ADCY8: variants seen among roughly 807,000 people sequenced by gnomAD.
ADCY8 encodes the protein adenylate cyclase type 8.
ADCY8 carries 51 observed loss-of-function variants against 119.7 expected under a neutral mutation model. The ratio of observed to expected loss-of-function variants is 0.43; its 90% CI spans 0.34 to 0.54. The LOEUF is 0.54. Ranked by LOEUF, ADCY8 falls within the 20% of genes least tolerant of loss-of-function variation. ADCY8 has a pLI of 0.03. For synonymous variants in ADCY8, 665 were observed against 651.0 expected, an observed-to-expected ratio of 1.02 and a Z score of -0.33; for missense variants, 1,383 against 1,598.8, an observed-to-expected ratio of 0.87 and a Z score of 2.30.
At chr8:131,023,286 C>A (rs186890731) in intron 1 of ADCY8, among the ~76,000 whole-genome samples, 275 of 152,318 alleles carry the variant, frequency 1.8e-3, no homozygotes, top group Non-Finnish European at 2.2e-3. Flanking sequence ...ACACTGGAAT[C>A]AACACCAATA....
chr8:130,931,121 T>C (rs1820618487), intron 5 of ADCY8, among the ~76,000 whole-genome samples: 1 of 152,216 alleles, frequency 6.6e-6, no homozygotes, highest in Admixed American at 6.5e-5. Context: ...ATAAGACAAG[T>C]CTGGTGGTGA....
chr8:131,037,568 A>G (rs1434041946), intron 1 of ADCY8, among the ~76,000 whole-genome samples: 1 of 152,188 alleles, frequency 6.6e-6, no homozygotes, highest in Admixed American at 6.5e-5. Flanking sequence ...TAATACATGG[A>G]ATTTCTTATA....
chr8:130,903,362 A>G (rs1425652792), intron 7 of ADCY8, among the ~76,000 whole-genome samples: 1 of 151,978 alleles, frequency 6.6e-6, no homozygotes, highest in Non-Finnish European at 1.5e-5. Flanking sequence ...AGAGGGTGAC[A>G]CAGAACTGAT....
intron 2 of ADCY8, among the ~76,000 whole-genome samples, chr8:130,965,547 T>C (rs904373880): frequency 6.6e-6 from 1 of 152,222 alleles, no homozygotes; most frequent in African/African-American, 2.4e-5. Context: ...GGCTACATCA[T>C]GAGAGTCACA....
Position 130,884,651 on chromosome 8 carries a change from G to T in ADCY8, c.2022C>A (p.Thr674=). 1 of 1,613,818 alleles carries T rather than the reference G, an allele frequency of 6.2e-7. No homozygotes were observed. Among genetic ancestry groups the T allele is most frequent in the Non-Finnish European group, 8.5e-7 (1 of 1,179,840 alleles). ...PEEINKRIEH[T]IDLRSGDKLR... ...ATTTATCGCCACTCCGCAAGTCGAT[G>T]GTATGTTCTATTCTCTTGTTAATTT... Residue 674 remains threonine (T), a synonymous_variant, in exon 8 of 18, where the codon ACC becomes ACA. Transcript: ENST00000286355.
chr8:130,999,407 T>C (rs1041256262), intron 1 of ADCY8, among the ~76,000 whole-genome samples: 1 of 152,132 alleles, frequency 6.6e-6, no homozygotes, highest in Admixed American at 6.5e-5. Flanking sequence ...TGGGCACTGC[T>C]GTTTGATGCC....
intron 2 of ADCY8, among the ~76,000 whole-genome samples, chr8:130,977,293 C>T (rs149590147): frequency 6.6e-6 from 1 of 152,330 alleles, no homozygotes; most frequent in African/African-American, 2.4e-5. Context: ...ACCTTTCTTA[C>T]TTATACTCGA....
intron 8 of ADCY8, among the ~76,000 whole-genome samples, chr8:130,882,185 C>A (rs1445498397): frequency 6.7e-6 from 1 of 148,698 alleles, no homozygotes; most frequent in East Asian, 2.0e-4. Context: ...GTTGATGACA[C>A]CTTAGAGTCA....
chr8:130,881,487 C>T (rs1818769091), intron 8 of ADCY8, among the ~76,000 whole-genome samples: 1 of 152,138 alleles, frequency 6.6e-6, no homozygotes, highest in Non-Finnish European at 1.5e-5. Context: ...GGAATAAAGC[C>T]TTTCCTTTCC....
At chr8:130,906,488 A>G (rs1448810686) in intron 6 of ADCY8, among the ~76,000 whole-genome samples, 1 of 152,250 alleles carries the variant, frequency 6.6e-6, no homozygotes, top group Non-Finnish European at 1.5e-5. Flanking sequence ...CACTAGTGAA[A>G]GAGATCCTTG....
At chr8:130,783,529 G>T (rs1815154994) in intron 17 of ADCY8, among the ~76,000 whole-genome samples, 162 bp downstream of exon 17, 1 of 152,208 alleles carries the variant, frequency 6.6e-6, no homozygotes, top group South Asian at 2.1e-4. Flanking sequence ...AGGAAACTAA[G>T]AAAGGCCTGA....
intron 15 of ADCY8, among the ~76,000 whole-genome samples, chr8:130,789,016 T>G (rs1815343021): frequency 6.6e-6 from 1 of 152,152 alleles, no homozygotes; most frequent in Non-Finnish European, 1.5e-5. Flanking sequence ...TGCACTGGAA[T>G]GAGGGGACGG....
At chr8:130,882,289 T>C (rs1177348759) in intron 8 of ADCY8, among the ~76,000 whole-genome samples, 1 of 152,102 alleles carries the variant, frequency 6.6e-6, no homozygotes, top group African/African-American at 2.4e-5. Context: ...AGTAAACTGA[T>C]GTATCTAACA....
At chr8:130,888,974 A>T (rs781516734) in intron 7 of ADCY8, among the ~76,000 whole-genome samples, 1 of 152,116 alleles carries the variant, frequency 6.6e-6, no homozygotes, top group Non-Finnish European at 1.5e-5. Flanking sequence ...TGTTGAGTCA[A>T]AACCATTTCA....
chr8:130,953,919 G>A lies in ADCY8; in HGVS notation c.1111-1921C>T, dbSNP rs1194910208. Among the ~76,000 whole-genome samples the A allele has an allele frequency of 2.0e-5, 3 of 152,190 alleles. No homozygotes were observed. The South Asian group carries it at 6.2e-4, about 31-fold the overall frequency. ...CTTTCTGCAAATGCCCCAACATCATGTCCATTTTGTGTTCATTTGTGCTAT... is the reference window on the plus strand; with the variant it reads ...CTTTCTGCAAATGCCCCAACATCATATCCATTTTGTGTTCATTTGTGCTAT... On this transcript the variant is annotated intron_variant, in intron 2 of 17. Transcript: ENST00000286355.
At chr8:130,988,736 G>C (rs549076931) in intron 2 of ADCY8, among the ~76,000 whole-genome samples, 18 of 152,266 alleles carry the variant, frequency 1.2e-4, no homozygotes, top group African/African-American at 3.8e-4. Context: ...AATGGTGGAT[G>C]ATTCCTCCAC....
chr8:130,810,476 C>T (rs1005048093), intron 14 of ADCY8, among the ~76,000 whole-genome samples: 1 of 152,072 alleles, frequency 6.6e-6, no homozygotes, highest in Non-Finnish European at 1.5e-5. Flanking sequence ...GGACTGGACT[C>T]CCCTTGTGGC....
chr8:130,974,191 A>G (rs113663615), intron 2 of ADCY8, among the ~76,000 whole-genome samples: 1,835 of 152,336 alleles, frequency 0.012, 46 homozygotes, highest in African/African-American at 0.042. Flanking sequence ...TTTATTATCA[A>G]GAATGGCAGC....
intron 7 of ADCY8, among the ~76,000 whole-genome samples, chr8:130,898,801 C>A (rs1471718592): frequency 6.6e-6 from 1 of 152,106 alleles, no homozygotes; most frequent in Non-Finnish European, 1.5e-5. Flanking sequence ...ACATAAAAAC[C>A]TTTGGTATCT....
Sources: allele counts gnomAD v4.1 joint callset (sites outside exome capture counted in the v4.1 genomes callset), GRCh38; gene constraint gnomAD v4.1.1; transcripts MANE v1.5; gene names NCBI Gene and HGNC (gene_info 2026-07-23, HGNC 2026-07-21).